The following PARD3B variants were observed in gnomAD, a reference collection of about 807,000 sequenced individuals.
PARD3B encodes par-3 family cell polarity regulator beta, also known as partitioning defective 3 homolog B.
A neutral mutation model predicts 130.2 loss-of-function variants in PARD3B; 103 were observed. That is an observed-to-expected ratio of 0.79 (90% CI 0.67 to 0.93). The LOEUF (loss-of-function observed/expected upper bound fraction) is 0.93, where lower values mean the gene tolerates loss of function less well. Among genes scored for constraint, PARD3B ranks in the 40% least tolerant of loss-of-function variants. PARD3B has a pLI of 0.00. For synonymous variants in PARD3B, 583 were observed against 553.2 expected (o/e 1.05, Z -0.76); for missense variants, 1,609 against 1,499.2 (o/e 1.07, Z -1.21).
intron 18 of PARD3B, among the ~76,000 whole-genome samples, chr2:205,319,245 C>T (rs1451360545): frequency 2.0e-5 from 3 of 152,156 alleles, no homozygotes; most frequent in Non-Finnish European, 4.4e-5. Flanking sequence ...ACCTCCCTAG[C>T]ATGTCGGCTT....
At chr2:205,173,636 TC>T (rs1049276695) in intron 12 of PARD3B, among the ~76,000 whole-genome samples, 2 of 152,222 alleles carry the variant, frequency 1.3e-5, no homozygotes, top group Non-Finnish European at 2.9e-5. Context: ...TTTTATGCTC[TC>T]CTTTATATAA....
intron 4 of PARD3B, among the ~76,000 whole-genome samples, chr2:205,050,012 A>C (rs1165564953): frequency 6.6e-6 from 1 of 152,026 alleles, no homozygotes; most frequent in Non-Finnish European, 1.5e-5. Context: ...TTTAAGCTTT[A>C]ACATCCCAAG....
intron 20 of PARD3B, among the ~76,000 whole-genome samples, chr2:205,477,114 G>A (rs934261720): frequency 6.6e-6 from 1 of 152,164 alleles, no homozygotes; most frequent in Admixed American, 6.6e-5. Flanking sequence ...ATGAAGCCCT[G>A]ATGCAGGACT....
At chr2:205,427,793 G>C (rs1193085427) in intron 19 of PARD3B, among the ~76,000 whole-genome samples, 1 of 152,090 alleles carries the variant, frequency 6.6e-6, no homozygotes, top group African/African-American at 2.4e-5. Context: ...GAAACAAATT[G>C]GTTGCATAGC....
chr2:205,223,361 A>G (rs994532118), intron 15 of PARD3B, among the ~76,000 whole-genome samples: 3 of 152,188 alleles, frequency 2.0e-5, no homozygotes, highest in East Asian at 1.9e-4. Flanking sequence ...GGTAAATAAG[A>G]TGAGTAGTAG....
intron 1 of PARD3B, among the ~76,000 whole-genome samples, chr2:204,635,043 G>A (rs563073145): frequency 1.6e-4 from 25 of 152,242 alleles, no homozygotes; most frequent in Non-Finnish European, 3.1e-4. Context: ...TGACTATTGA[G>A]CACCTTTAAA....
intron 4 of PARD3B, among the ~76,000 whole-genome samples, chr2:205,069,806 A>G (rs1700612388): frequency 6.6e-6 from 1 of 152,128 alleles, no homozygotes. Context: ...CCACCGTCCC[A>G]AAGATTTCCA....
chr2:204,560,201 C>T (rs909556554), intron 1 of PARD3B, among the ~76,000 whole-genome samples: 10 of 152,056 alleles, frequency 6.6e-5, no homozygotes, highest in Admixed American at 1.3e-4. Context: ...TAAAATGTGC[C>T]ATGTAATCAG....
intron 2 of PARD3B, among the ~76,000 whole-genome samples, chr2:204,835,616 A>G (rs564735089): frequency 6.6e-6 from 1 of 152,184 alleles, no homozygotes; most frequent in Non-Finnish European, 1.5e-5. Context: ...TACCAGTTCA[A>G]TTTTGAAATA....
intron 2 of PARD3B, among the ~76,000 whole-genome samples, chr2:204,776,173 G>T (rs569622983): frequency 9.2e-5 from 14 of 152,104 alleles, no homozygotes; most frequent in Non-Finnish European, 1.5e-4. Context: ...AATCTCTTGA[G>T]AAATTTTGCT....
At chr2:205,109,597 T>C (rs1194444639) in intron 5 of PARD3B, among the ~76,000 whole-genome samples, 2 of 151,996 alleles carry the variant, frequency 1.3e-5, no homozygotes, top group Non-Finnish European at 2.9e-5. Context: ...ATATGTGTTA[T>C]GATCTTTATT....
At chr2:204,959,324 C>A (rs1347422376) in intron 2 of PARD3B, among the ~76,000 whole-genome samples, 1 of 152,208 alleles carries the variant, frequency 6.6e-6, no homozygotes, top group Non-Finnish European at 1.5e-5. Flanking sequence ...TTTTTTATGG[C>A]TGCACAGTAT....
chr2:205,243,249 GTC>G (rs997631282), intron 15 of PARD3B, among the ~76,000 whole-genome samples: 1 of 151,660 alleles, frequency 6.6e-6, no homozygotes, highest in African/African-American at 2.4e-5. Flanking sequence ...TATGATGTTA[GTC>G]TCTCTTTCTA....
chr2:204,899,007 T>C lies in PARD3B; in HGVS notation c.223-66145T>C, dbSNP rs1005069620. ...CATCCCTTTATTTTCAGTTTTTGTG[T>C]GTCTTTACAGGTGAAGTCTGCTTCT... On this transcript the variant is annotated intron_variant, in intron 2 of 22. Coordinates refer to ENST00000406610, the MANE Select transcript of PARD3B (RefSeq NM_001302769.2). Among the ~76,000 whole-genome samples, 4 of 152,156 alleles carry C rather than the reference T, an allele frequency of 2.6e-5. No individual in the cohort carries two copies. The East Asian group carries it at 5.8e-4, about 22-fold the overall frequency.
Position 205,229,739 on chromosome 2 carries a change from TC to T in PARD3B, c.2141-16036del, listed in dbSNP as rs1271711998. Among the ~76,000 whole-genome samples the T allele has an allele frequency of 6.6e-6, 1 of 151,972 alleles. No homozygotes were observed. The highest frequency in any genetic ancestry group is 1.5e-5 in the Non-Finnish European group (1 of 67,998). ...GTAAAGCCACCCAGGCTTGTGTCCT[TC>T]CCTTCAGGACAGCAAGGTCCCCCTG... On this transcript the variant is annotated intron_variant, in intron 15 of 22. Coordinates refer to ENST00000406610, the MANE Select transcript of PARD3B (RefSeq NM_001302769.2). This position sits in a 1 kb window ranked among gnomAD's most constrained non-coding sequence, Gnocchi z 5.2.
intron 4 of PARD3B, among the ~76,000 whole-genome samples, chr2:205,068,376 A>G (rs971978055): frequency 6.6e-6 from 1 of 152,124 alleles, no homozygotes; most frequent in African/African-American, 2.4e-5. Flanking sequence ...TAATTTGTAC[A>G]TATTCTGTTT....
chr2:204,785,949 C>T (rs1023904392), intron 2 of PARD3B, among the ~76,000 whole-genome samples: 3 of 151,596 alleles, frequency 2.0e-5, no homozygotes, highest in African/African-American at 4.8e-5. Flanking sequence ...CCCATCTCTA[C>T]TAAAAATACA....
chr2:205,178,229 G>GA (rs1553632799), intron 13 of PARD3B, among the ~76,000 whole-genome samples: 7,868 of 136,878 alleles, frequency 0.057, 744 homozygotes, highest in African/African-American at 0.2. Flanking sequence ...TATGGGGGGG[G>GA]AAAAAAAAAA....
rs1227114900 is a variant in PARD3B at position 205,122,926 on chromosome 2, A to T, written c.1165+977A>T. 1.3e-5 allele frequency among the ~76,000 whole-genome samples: 2 copies of T among 152,232 alleles called. No individual in the cohort carries two copies. The highest frequency in any genetic ancestry group is 3.8e-4 in the East Asian group (2 of 5,200). ...CTTATCAATCAGGTTTTTTATTTAA[A>T]TGCCTCAGTTGTATTTTTTGTACAA... On this transcript the variant is annotated intron_variant, in intron 8 of 22. Transcript: ENST00000406610. This position sits in a 1 kb window ranked among gnomAD's most constrained non-coding sequence, Gnocchi z 4.3.
Sources: allele counts gnomAD v4.1 joint callset (sites outside exome capture counted in the v4.1 genomes callset), GRCh38; gene constraint gnomAD v4.1.1; non-coding constraint Gnocchi (gnomAD v3.1); transcripts MANE v1.5; gene names NCBI Gene and HGNC (gene_info 2026-07-23, HGNC 2026-07-21).